NCKAP5: variants seen among roughly 807,000 people sequenced by gnomAD.
NCKAP5 encodes NCK associated protein 5.
Under a neutral mutation model 167.0 loss-of-function variants are expected in NCKAP5, and 92 were observed. That is an observed-to-expected ratio of 0.55 (90% CI 0.47 to 0.66). The LOEUF is 0.66. Ranked by LOEUF, NCKAP5 falls within the 30% of genes least tolerant of loss-of-function variation. NCKAP5 has a pLI of 0.00. For synonymous variants in NCKAP5, 891 were observed against 877.4 expected, an observed-to-expected ratio of 1.02 and a Z score of -0.27; for missense variants, 2,378 against 2,315.0, an observed-to-expected ratio of 1.03 and a Z score of -0.56.
intron 8 of NCKAP5, among the ~76,000 whole-genome samples, chr2:132,880,075 C>T (rs1242299192): frequency 6.6e-6 from 1 of 152,058 alleles, no homozygotes; most frequent in Non-Finnish European, 1.5e-5. Flanking sequence ...TGTTCTCACT[C>T]ATATACAGGA....
At chr2:132,861,220 G>C (rs143019476) in intron 10 of NCKAP5, among the ~76,000 whole-genome samples, 48 of 151,954 alleles carry the variant, frequency 3.2e-4, no homozygotes, top group Middle Eastern at 6.8e-3. Flanking sequence ...CTCAGTGCTG[G>C]GTAAGAAGCA....
At chr2:133,229,941 C>T (rs545058001) in intron 4 of NCKAP5, among the ~76,000 whole-genome samples, 56 of 150,484 alleles carry the variant, frequency 3.7e-4, no homozygotes, top group Non-Finnish European at 4.9e-4. Context: ...GGGAAAGTTA[C>T]TCACACTCTC....
intron 3 of NCKAP5, among the ~76,000 whole-genome samples, chr2:133,407,581 G>T (rs1207326970): frequency 6.6e-6 from 1 of 152,156 alleles, no homozygotes; most frequent in Non-Finnish European, 1.5e-5. Flanking sequence ...TGAGCCCAGG[G>T]CCTATTGAGA....
intron 6 of NCKAP5, among the ~76,000 whole-genome samples, chr2:132,995,966 C>A (rs960727825): frequency 1.2e-4 from 19 of 152,088 alleles, no homozygotes; most frequent in Admixed American, 6.6e-5. Flanking sequence ...AAGAACAAAA[C>A]TCTGTCTCAA....
intron 6 of NCKAP5, among the ~76,000 whole-genome samples, chr2:132,995,598 C>A (rs2077572171): frequency 6.6e-6 from 1 of 151,168 alleles, no homozygotes; most frequent in South Asian, 2.1e-4. Flanking sequence ...TTGCAGTGAG[C>A]CAGGATCACA....
intron 6 of NCKAP5, among the ~76,000 whole-genome samples, chr2:133,086,363 A>G (rs548761590): frequency 6.6e-6 from 1 of 152,312 alleles, no homozygotes; most frequent in African/African-American, 2.4e-5. Context: ...AATTTGAGGC[A>G]GAAGTGACTC....
At chr2:133,270,343 C>T (rs1315911619) in intron 4 of NCKAP5, among the ~76,000 whole-genome samples, 1 of 152,172 alleles carries the variant, frequency 6.6e-6, no homozygotes, top group African/African-American at 2.4e-5. Flanking sequence ...AACTTACTCT[C>T]ATGTTTTAAA....
chr2:133,259,150 T>C (rs965059833), intron 4 of NCKAP5, among the ~76,000 whole-genome samples: 3 of 152,150 alleles, frequency 2.0e-5, no homozygotes, highest in Admixed American at 6.5e-5. Context: ...TAAGTCCCAC[T>C]GGGGTCAGCT....
At chr2:133,137,112 T>C (rs990915952) in intron 5 of NCKAP5, among the ~76,000 whole-genome samples, 25 of 152,258 alleles carry the variant, frequency 1.6e-4, no homozygotes, top group African/African-American at 5.8e-4. Flanking sequence ...CATCTAATTG[T>C]AGCCTTGTTT....
chr2:132,813,976 A>T (rs1161211333), intron 11 of NCKAP5, among the ~76,000 whole-genome samples: 6 of 152,170 alleles, frequency 3.9e-5, no homozygotes, highest in Non-Finnish European at 8.8e-5. Flanking sequence ...GATGAAAATG[A>T]CTTTCGTGAT....
intron 16 of NCKAP5, among the ~76,000 whole-genome samples, chr2:132,758,093 G>A (rs1037660272): frequency 2.6e-5 from 4 of 152,180 alleles, no homozygotes; most frequent in Non-Finnish European, 5.9e-5. Flanking sequence ...CTTTTAGGCT[G>A]GCATGGGAGA....
At chr2:133,312,994 A>G (rs1317851935) in intron 3 of NCKAP5, among the ~76,000 whole-genome samples, 2 of 152,328 alleles carry the variant, frequency 1.3e-5, no homozygotes, top group Non-Finnish European at 2.9e-5. Context: ...ACTAATGCTC[A>G]GATTATGGTT....
At chr2:133,260,547 T>C (rs1463240820) in intron 4 of NCKAP5, among the ~76,000 whole-genome samples, 1 of 152,174 alleles carries the variant, frequency 6.6e-6, no homozygotes, top group Non-Finnish European at 1.5e-5. Flanking sequence ...GTCACAGTAA[T>C]GCAGGCAAAT....
intron 11 of NCKAP5, among the ~76,000 whole-genome samples, chr2:132,829,999 TC>T (rs1286605251): frequency 6.6e-6 from 1 of 152,078 alleles, no homozygotes; most frequent in Non-Finnish European, 1.5e-5. Context: ...ATGTTGACTT[TC>T]CCCCTCTTAG....
chr2:132,702,863 TC>T (rs559152032), intron 19 of NCKAP5, among the ~76,000 whole-genome samples: 25 of 152,078 alleles, frequency 1.6e-4, no homozygotes, highest in Non-Finnish European at 3.1e-4. Flanking sequence ...ATAATCTGAG[TC>T]TGTTATCATT....
chr2:133,527,566 A>G (rs1358921422), intron 2 of NCKAP5, among the ~76,000 whole-genome samples: 1 of 152,046 alleles, frequency 6.6e-6, no homozygotes, highest in Admixed American at 6.6e-5. Flanking sequence ...TTTAAAACCA[A>G]TTAACATACT....
chr2:133,625,349 G>T, the NCKAP5 span, among the ~76,000 whole-genome samples: 1 of 152,038 alleles, frequency 6.6e-6, no homozygotes, highest in African/African-American at 2.4e-5. Flanking sequence ...AAGAAACAAA[G>T]ACCAGCCCAC....
intron 16 of NCKAP5, among the ~76,000 whole-genome samples, chr2:132,765,767 G>C (rs777783380): frequency 7.2e-5 from 11 of 151,974 alleles, no homozygotes; most frequent in Admixed American, 3.9e-4. Flanking sequence ...TCTATTTTTT[G>C]CTGGACATAT....
chr2:133,546,527 T>G lies in NCKAP5; in HGVS notation c.-62+12523A>C, dbSNP rs528027567. On this transcript the variant is annotated intron_variant, in intron 2 of 19. Transcript: ENST00000409261. ...AAGGGATATCACGCGATGTGTGCTT[T>G]GACATAAGGGCACGGTTATCCTGAA... 3.3e-5 allele frequency among the ~76,000 whole-genome samples: 5 copies of G among 152,256 alleles called. No homozygotes were observed. In the East Asian group the frequency reaches 7.7e-4, roughly 24 times the overall value.
Sources: allele counts gnomAD v4.1 joint callset (sites outside exome capture counted in the v4.1 genomes callset), GRCh38; gene constraint gnomAD v4.1.1; transcripts MANE v1.5; gene names NCBI Gene and HGNC (gene_info 2026-07-23, HGNC 2026-07-21).